Variants in ACSM1 observed in about 807,000 individuals in gnomAD.
ACSM1 encodes the protein acyl-coenzyme A synthetase ACSM1, mitochondrial.
A neutral mutation model predicts 75.8 loss-of-function variants in ACSM1; 79 were observed. That is an observed-to-expected ratio of 1.04 (90% CI 0.87 to 1.26). The LOEUF (loss-of-function observed/expected upper bound fraction) is 1.26, where lower values mean the gene tolerates loss of function less well. Among genes scored for constraint, ACSM1 ranks in the 50% most tolerant of loss-of-function variants. The pLI, the probability that ACSM1 is intolerant of heterozygous loss-of-function variation, is 0.00. For missense variants in ACSM1, 676 were observed against 720.1 expected, an observed-to-expected ratio of 0.94 and a Z score of 0.70; for synonymous variants, 279 against 265.8, an observed-to-expected ratio of 1.05 and a Z score of -0.48.
At chr16:20,630,378 T>C (rs925118113) in intron 10 of ACSM1, among the ~76,000 whole-genome samples, 1 of 152,138 alleles carries the variant, frequency 6.6e-6, no homozygotes, top group Non-Finnish European at 1.5e-5. Context: ...TGAGCCACGA[T>C]GCCCGGTCAA....
At chr16:20,641,209 A>T (rs1321530136) in intron 7 of ACSM1, among the ~76,000 whole-genome samples, 1 of 152,202 alleles carries the variant, frequency 6.6e-6, no homozygotes, top group Non-Finnish European at 1.5e-5. Context: ...AAAATATTTT[A>T]CCCCAAAATA....
At chr16:20,641,914 G>A (rs1446474040) in intron 7 of ACSM1, among the ~76,000 whole-genome samples, 1 of 152,232 alleles carries the variant, frequency 6.6e-6, no homozygotes, top group Non-Finnish European at 1.5e-5. Context: ...AAGAATCAGG[G>A]TAACAATGGG....
intron 1 of ACSM1, among the ~76,000 whole-genome samples, chr16:20,695,419 T>G (rs1350809596): frequency 6.6e-6 from 1 of 152,230 alleles, no homozygotes; most frequent in Non-Finnish European, 1.5e-5. Flanking sequence ...GGGAAGCTCT[T>G]ATAGAGTAGT....
At chr16:20,660,998 G>A (rs1229744556) in intron 7 of ACSM1, among the ~76,000 whole-genome samples, 1 of 152,136 alleles carries the variant, frequency 6.6e-6, no homozygotes, top group Non-Finnish European at 1.5e-5. Flanking sequence ...AGCATAAATT[G>A]GTTTGGAAGA....
rs1446861544 is a variant in ACSM1, at chr16:20,672,778, A to T, written c.612-1107T>A. ...ATGCTTATATATAAATTATGCTTAT[A>T]TATAAATTATGTACAAAATATGTAT... On this transcript the variant is annotated intron_variant, in intron 4 of 13. Transcript: ENST00000520010. 4.8e-5 allele frequency among the ~76,000 whole-genome samples: 6 copies of T among 124,108 alleles called. No homozygotes were observed. The South Asian group carries it at 1.4e-3, about 28-fold the overall frequency. 81.4% of individuals were successfully genotyped at this position (124,108 alleles called of 152,430 possible).
chr16:20,640,626 G>T (rs910009255), intron 7 of ACSM1, 42 bp from the exon 8 acceptor site: 43 of 1,613,334 alleles, frequency 2.7e-5, no homozygotes, highest in Non-Finnish European at 3.1e-5. Flanking sequence ...GAGCCACCCT[G>T]GCTCTGTGCA....
At chr16:20,657,757 C>A (rs555126081) in intron 7 of ACSM1, among the ~76,000 whole-genome samples, 1 of 151,450 alleles carries the variant, frequency 6.6e-6, no homozygotes, top group Non-Finnish European at 1.5e-5. Flanking sequence ...TCCCTCCCCC[C>A]TCCCGCCACC....
At chr16:20,628,826 G>T (rs150599140) in intron 10 of ACSM1, among the ~76,000 whole-genome samples, 1 of 152,220 alleles carries the variant, frequency 6.6e-6, no homozygotes, top group East Asian at 1.9e-4. Flanking sequence ...CTTGAGGGAG[G>T]CACATTTGCT....
chr16:20,695,708 T>TA (rs1470949617), intron 1 of ACSM1, among the ~76,000 whole-genome samples: 1 of 152,166 alleles, frequency 6.6e-6, no homozygotes, highest in African/African-American at 2.4e-5. Flanking sequence ...TCTATCTAGA[T>TA]ATATAAGAAC....
At chr16:20,676,446 C>A (rs117828353) in intron 4 of ACSM1, among the ~76,000 whole-genome samples, 1 of 152,144 alleles carries the variant, frequency 6.6e-6, no homozygotes, top group East Asian at 1.9e-4. Flanking sequence ...TCTGTTTAAC[C>A]CTAAGGCTGC....
chr16:20,637,116 G>A (rs553072451), intron 9 of ACSM1: 100 of 758,590 alleles, frequency 1.3e-4, no homozygotes, highest in Admixed American at 5.6e-4. Context: ...GCTAGAGAGG[G>A]CTCCCAGTGC....
chr16:20,695,819 A>G (rs1318396901), intron 1 of ACSM1, among the ~76,000 whole-genome samples: 1 of 152,044 alleles, frequency 6.6e-6, no homozygotes, highest in South Asian at 2.1e-4. Context: ...TTCTAAATCT[A>G]TTTCTGTATC....
Position 20,658,192 on chromosome 16 carries a change from C to T in ACSM1, c.992+3602G>A, listed in dbSNP as rs185476658. Among the ~76,000 whole-genome samples, 37 of 152,300 alleles carry T rather than the reference C, an allele frequency of 2.4e-4. 1 individual carries two copies. The highest frequency in any genetic ancestry group is 2.0e-3 in the Admixed American group (30 of 15,288). ...CTTGAGGAATCATCACACTGTCTTC[C>T]AAAATGGTTGAACTAATTTACAGTC... On this transcript the variant is annotated intron_variant, in intron 7 of 13. Transcript: ENST00000520010.
At chr16:20,691,401 G>A (rs1005719724) in intron 1 of ACSM1, 162 bp from the exon 2 acceptor site, 2 of 501,348 alleles carry the variant, frequency 4.0e-6, no homozygotes, top group Non-Finnish European at 6.9e-6. Context: ...CTTCCCAGCT[G>A]AGGAACCACA....
chr16:20,643,798 G>T (rs1457096288), intron 7 of ACSM1, among the ~76,000 whole-genome samples: 1 of 152,160 alleles, frequency 6.6e-6, no homozygotes, highest in Non-Finnish European at 1.5e-5. Context: ...GCTGATTGGT[G>T]CATTTTTACA....
In ACSM1 at chr16:20,697,300, A is replaced by T. The variant is rs1261659953; in HGVS notation, c.-52+336T>A. On this transcript the variant is annotated intron_variant, in intron 1 of 13. Coordinates refer to ENST00000520010, the MANE Select transcript of ACSM1 (RefSeq NM_001318890.3). ...GCCAACTTCTGCATAGATAGAAAAG[A>T]TTTCCTTCAAACATTCATCTCTGAC... is the stretch of plus-strand genomic sequence containing the variant. 6.6e-5 allele frequency among the ~76,000 whole-genome samples: 10 copies of T among 151,976 alleles called. No individual in the cohort carries two copies. The East Asian group carries it at 1.9e-3, about 29-fold the overall frequency.
chr16:20,673,896 A>G (rs2020109777), intron 4 of ACSM1: 1 of 262,682 alleles, frequency 3.8e-6, no homozygotes, highest in African/African-American at 2.3e-5. Context: ...AGTATATTTT[A>G]ATGAGAGGAA....
Position 20,669,969 on chromosome 16 carries a change from AG to A in ACSM1, c.769del (p.Leu257Ter). On this transcript the variant is annotated frameshift_variant, in exon 6 of 14. Coordinates refer to ENST00000520010, the MANE Select transcript of ACSM1 (RefSeq NM_001318890.3). LOFTEE classifies it high-confidence loss of function. ...GCACCAGGAGACATCAGATGTCTTC[AG>A]GCTCCGTAATTTCCTACTAACTCCA... Reference protein sequence around the residue: ...SFPGSRKLRSLKTSDVSWCLS... With the variant: ...SFPGSRKLRSXKTSDVSWCLS... 2.5e-6 allele frequency: 4 copies of A among 1,613,786 alleles called. No individual in the cohort carries two copies. The highest frequency in any genetic ancestry group is 3.4e-6 in the Non-Finnish European group (4 of 1,179,832).
chr16:20,626,312 T>C (rs967008286), intron 11 of ACSM1, among the ~76,000 whole-genome samples: 1 of 151,712 alleles, frequency 6.6e-6, no homozygotes, highest in African/African-American at 2.4e-5. Flanking sequence ...CACTCCAGCC[T>C]GGGTGACAGT....
Sources: gnomAD v4.1 joint callset for allele counts (sites outside exome capture counted in the v4.1 genomes callset) on GRCh38, gnomAD v4.1.1 for gene constraint, MANE v1.5 for transcripts, NCBI Gene and HGNC (gene_info 2026-07-23, HGNC 2026-07-21) for gene names.